The following DCTN3 variants were observed in gnomAD, a reference collection of about 807,000 sequenced individuals.
The protein encoded by DCTN3 is dynactin 3 (p22).
A neutral mutation model predicts 28.4 loss-of-function variants in DCTN3; 25 were observed. The observed-to-expected ratio is 0.88, with a 90% CI of 0.64 to 1.23. DCTN3 has a LOEUF of 1.23. Ranked by LOEUF, DCTN3 falls within the 50% of genes most tolerant of loss-of-function variation. The probability of loss-of-function intolerance (pLI) is 0.00; values close to 1 mark genes in which losing one functional copy is unlikely to be tolerated. For synonymous variants in DCTN3, 81 were observed against 91.4 expected (o/e 0.89, Z 0.65); for missense variants, 229 against 232.0 (o/e 0.99, Z 0.08).
chr9:34,618,768 G>T lies in DCTN3; in HGVS notation c.97-8C>A. The T allele has an allele frequency of 6.2e-7, 1 of 1,612,306 alleles. No homozygotes were observed. Among genetic ancestry groups the T allele is most frequent in the Non-Finnish European group, 8.5e-7 (1 of 1,178,304 alleles). On this transcript the variant is annotated splice_polypyrimidine_tract_variant and splice_region_variant and intron_variant, in intron 1 of 6. Coordinates refer to ENST00000259632, the MANE Select transcript of DCTN3 (RefSeq NM_007234.5). ...GACCAGGCCGTCAGCCACCTGTAAG[G>T]GAAGTGGTGGTTAATTCCAAGATAT... is the stretch of plus-strand genomic sequence containing the variant.
At chr9:34,615,926 A>C in intron 4 of DCTN3, 104 bp downstream of exon 4, 1 of 872,820 alleles carries the variant, frequency 1.1e-6, no homozygotes, top group Non-Finnish European at 1.8e-6. Context: ...GATAAGGAAC[A>C]GACCCAACCC....
intron 1 of DCTN3, among the ~76,000 whole-genome samples, chr9:34,619,768 C>G (rs1820509337): frequency 6.6e-6 from 1 of 152,212 alleles, no homozygotes; most frequent in Non-Finnish European, 1.5e-5. Flanking sequence ...ATCAGAAGTT[C>G]TTCAATAAAA....
chr9:34,618,959 G>A (rs568204707), intron 1 of DCTN3, among the ~76,000 whole-genome samples, 199 bp from the exon 2 acceptor site: 1 of 152,312 alleles, frequency 6.6e-6, no homozygotes, highest in South Asian at 2.1e-4. Flanking sequence ...TGTACTCCTT[G>A]GGGAGTTTCA....
intron 2 of DCTN3, 130 bp downstream of exon 2, chr9:34,618,546 A>T: frequency 1.4e-6 from 1 of 725,744 alleles, no homozygotes; most frequent in Non-Finnish European, 2.5e-6. Flanking sequence ...GGTGTAGGTA[A>T]ATGTCCTCAT....
intron 4 of DCTN3, chr9:34,615,108 G>A (rs1156528739): frequency 1.2e-5 from 3 of 240,648 alleles, no homozygotes; most frequent in Admixed American, 5.6e-5. Flanking sequence ...TCAGCCCAGC[G>A]GGGGCAGGTC....
intron 4 of DCTN3, 67 bp downstream of exon 4, chr9:34,615,963 A>C: frequency 7.5e-7 from 1 of 1,325,142 alleles, no homozygotes; most frequent in Non-Finnish European, 1.1e-6. Context: ...AAACACAGGA[A>C]AGTCTTGCCC....
At position 34,618,940 on chromosome 9, in the gene DCTN3, A is replaced by C. The variant is rs57386918; in HGVS notation, c.97-180T>G. Among the ~76,000 whole-genome samples the C allele has an allele frequency of 7.2e-3, 1,104 of 152,324 alleles. 13 individuals are homozygous for C. Among genetic ancestry groups the C allele is most frequent in the African/African-American group, 0.025 (1,056 of 41,566 alleles). ...TTCCAGGAATCCTTAAAGTGGAGAG[A>C]GAGAATCATGTACTCCTTGGGGAGT... On this transcript the variant is annotated intron_variant, in intron 1 of 6. Coordinates refer to ENST00000259632, the MANE Select transcript of DCTN3 (RefSeq NM_007234.5).
In DCTN3 at chr9:34,616,435, C is replaced by A; in HGVS notation, c.269-322G>T. The A allele has an allele frequency of 9.1e-6, 2 of 219,206 alleles. No homozygotes were observed. The highest frequency in any genetic ancestry group is 2.3e-5 in the African/African-American group (1 of 43,626). The allele number at this position is 219,206 out of a possible 1,614,324, so 13.6% of individuals were successfully genotyped here. Reference sequence around the variant, plus strand: ...GGAGCACCTCCTAGGCCACAAAATACAAAATACTTCAGACTTGGATCCCCA... The same window carrying A: ...GGAGCACCTCCTAGGCCACAAAATAAAAAATACTTCAGACTTGGATCCCCA... On this transcript the variant is annotated intron_variant, in intron 3 of 6. Transcript: ENST00000259632. This position sits in a 1 kb window ranked among gnomAD's most constrained non-coding sequence, Gnocchi z 4.7.
chr9:34,618,852 C>T (rs572197625), intron 1 of DCTN3, 92 bp from the exon 2 acceptor site: 1 of 1,002,086 alleles, frequency 1.0e-6, no homozygotes, highest in Non-Finnish European at 1.6e-6. Flanking sequence ...GACTCTCAAA[C>T]CTGAATCCCA....
chr9:34,615,761 G>T, intron 4 of DCTN3: 1 of 297,200 alleles, frequency 3.4e-6, no homozygotes, highest in Non-Finnish European at 6.4e-6. Flanking sequence ...AAAATAGCCA[G>T]GTGTGGTGGC....
In DCTN3 at chr9:34,613,720, C is replaced by T; in HGVS notation, c.*62G>A. The T allele has an allele frequency of 1.9e-6, 3 of 1,603,864 alleles. No homozygotes were observed. Among genetic ancestry groups the T allele is most frequent in the Non-Finnish European group, 2.6e-6 (3 of 1,174,356 alleles). ...AGCTTCCTCTGCCTTGTAACAAAGG[C>T]AGGTTGGCATAGGGCCCTGGAGCCT... is the stretch of plus-strand genomic sequence containing the variant. On this transcript the variant is annotated 3_prime_UTR_variant, in exon 7 of 7. Coordinates refer to ENST00000259632, the MANE Select transcript of DCTN3 (RefSeq NM_007234.5).
At position 34,616,248 on chromosome 9, in the gene DCTN3, C is replaced by T; in HGVS notation, c.269-135G>A. On this transcript the variant is annotated intron_variant, in intron 3 of 6. Transcript: ENST00000259632. This position sits in a 1 kb window ranked among gnomAD's most constrained non-coding sequence, Gnocchi z 4.7. ...TTTGGACAGTGACTCTGTCCACTGCCCCCTTCTCTAGGTGCACATTTCCAT... is the reference window on the plus strand; with the variant it reads ...TTTGGACAGTGACTCTGTCCACTGCTCCCTTCTCTAGGTGCACATTTCCAT... The T allele has an allele frequency of 1.1e-5, 7 of 634,440 alleles. No individual in the cohort carries two copies. Among genetic ancestry groups the T allele is most frequent in the South Asian group, 1.9e-5 (1 of 53,722 alleles). The allele number at this position is 634,440 out of a possible 1,614,324, so 39.3% of individuals were successfully genotyped here. A position where few individuals can be genotyped will look rare whatever the true frequency, so the allele number is the denominator to read the frequency against.
rs1288734389 is a variant in DCTN3, at chr9:34,613,659, G to A, written c.*123C>T. 7.4e-6 allele frequency: 10 copies of A among 1,352,602 alleles called. No individual in the cohort carries two copies. The highest frequency in any genetic ancestry group is 9.0e-6 in the Non-Finnish European group (9 of 1,004,492). 83.8% of individuals were successfully genotyped at this position (1,352,602 alleles called of 1,614,324 possible). ...CTGACCTCCAACTTTAGAGCCCAGAGTACAGAGAGGTGGGCCTTGAAGCCA... is the reference window on the plus strand; with the variant it reads ...CTGACCTCCAACTTTAGAGCCCAGAATACAGAGAGGTGGGCCTTGAAGCCA... On this transcript the variant is annotated 3_prime_UTR_variant, in exon 7 of 7. Transcript: ENST00000259632.
At chr9:34,617,669 C>T in intron 3 of DCTN3, 2 of 1,472,468 alleles carry the variant, frequency 1.4e-6, no homozygotes, top group Non-Finnish European at 1.8e-6. Flanking sequence ...CCCACTGTGG[C>T]TGGCACCATG....
Position 34,620,481 on chromosome 9 carries a change from C to T in DCTN3, c.-17G>A, listed in dbSNP as rs1052973998. 6.5e-7 allele frequency: 1 copy of T among 1,547,550 alleles called. No individual in the cohort carries two copies. Among genetic ancestry groups the T allele is most frequent in the African/African-American group, 1.4e-5 (1 of 73,044 alleles). On this transcript the variant is annotated 5_prime_UTR_variant, in exon 1 of 7. In the 5' UTR this introduces an upstream ATG that the reference lacks. Coordinates refer to ENST00000259632, the MANE Select transcript of DCTN3 (RefSeq NM_007234.5). ...ACCCGCCATCGCTACTACCGACCCA[C>T]CTCGGCCAGGAAACAGCCAGAGGGC...
chr9:34,614,864 G>T, intron 4 of DCTN3, 96 bp from the exon 5 acceptor site: 2 of 1,477,648 alleles, frequency 1.4e-6, no homozygotes, highest in Non-Finnish European at 1.9e-6. Context: ...AGAGTATTGA[G>T]TGGAGAAGCT....
At position 34,614,244 on chromosome 9, in the gene DCTN3, T is replaced by C; in HGVS notation, c.412-143A>G. ...CCCCAAAGCCAAAGGAGCAAATGGC[T>C]ATGGGAGCACTTTCAGGCTCCAGGA... On this transcript the variant is annotated intron_variant, in intron 5 of 6. Coordinates refer to ENST00000259632, the MANE Select transcript of DCTN3 (RefSeq NM_007234.5). The C allele has an allele frequency of 4.5e-6, 7 of 1,558,114 alleles. No homozygotes were observed. The South Asian group carries it at 8.4e-5, about 19-fold the overall frequency.
intron 5 of DCTN3, chr9:34,614,307 G>C: frequency 8.7e-7 from 1 of 1,150,898 alleles, no homozygotes; most frequent in South Asian, 1.6e-5. Flanking sequence ...GGATGGAAAA[G>C]GGAGTGGCCA....
chr9:34,614,754 C>A lies in DCTN3; in HGVS notation c.367G>T (p.Ala123Ser). ...SAHIKAVPEH[A>S]ARLQRLAQIH... The stretch of plus-strand genomic sequence containing the variant: ...TGGGCCAAGCGCTGCAGGCGGGCAG[C>A]ATGCTCAGGAACGGCTGTAAAACAC... Residue 123 changes from alanine (A) to serine (S), a missense_variant, in exon 5 of 7, where the codon GCT (alanine) becomes TCT (serine). Ala to Ser is a moderately conservative substitution (Grantham distance 99). Transcript: ENST00000259632. The A allele has an allele frequency of 6.2e-7, 1 of 1,614,074 alleles. No individual in the cohort carries two copies. Among genetic ancestry groups the A allele is most frequent in the Non-Finnish European group, 8.5e-7 (1 of 1,180,044 alleles).
Sources: gnomAD v4.1 joint callset for allele counts (sites outside exome capture counted in the v4.1 genomes callset) on GRCh38, gnomAD v4.1.1 for gene constraint, Gnocchi (gnomAD v3.1) non-coding constraint, MANE v1.5 for transcripts, NCBI Gene and HGNC (gene_info 2026-07-23, HGNC 2026-07-21) for gene names.